MMAA: variants seen among roughly 807,000 people sequenced by gnomAD.
The protein encoded by MMAA is methylmalonic aciduria type A protein, mitochondrial.
In MMAA, 41 loss-of-function variants were observed where a neutral mutation model predicts 45.0. The observed-to-expected ratio is 0.91, with a 90% CI of 0.71 to 1.18. The LOEUF (loss-of-function observed/expected upper bound fraction) is 1.18. MMAA is among the 50% of genes most tolerant of loss of function. The pLI is 0.00. For missense variants in MMAA, 460 were observed against 495.7 expected, an observed-to-expected ratio of 0.93 and a Z score of 0.68; for synonymous variants, 154 against 178.2, an observed-to-expected ratio of 0.86 and a Z score of 1.08.
At chr4:145,636,738 C>T (rs752821782) in intron 1 of MMAA, among the ~76,000 whole-genome samples, 1 of 152,210 alleles carries the variant, frequency 6.6e-6, no homozygotes, top group Non-Finnish European at 1.5e-5. Flanking sequence ...AGAGTGAGCT[C>T]CTGTAATCTT....
At chr4:145,648,476 C>A (rs1201883954) in intron 4 of MMAA, among the ~76,000 whole-genome samples, 1 of 152,070 alleles carries the variant, frequency 6.6e-6, no homozygotes, top group African/African-American at 2.4e-5. Flanking sequence ...ATGAGGGGAA[C>A]ACAGCTCAGT....
Position 145,651,227 on chromosome 4 carries a change from A to G in MMAA, c.819+80A>G, listed in dbSNP as rs545628307. 9 of 1,188,634 alleles carry G rather than the reference A, an allele frequency of 7.6e-6. No homozygotes were observed. In the African/African-American group the frequency reaches 1.2e-4, roughly 16 times the overall value. The allele number at this position is 1,188,634 out of a possible 1,614,324, so 73.6% of individuals were successfully genotyped here. ...AAAATTTCCAATGTTGTGTTTTTGT[A>G]AACTAAGTTGATAATGGTTTAGAAA... On this transcript the variant is annotated intron_variant, in intron 5 of 6. Transcript: ENST00000649156.
Position 145,657,601 on chromosome 4 carries a change from GAATT to G in MMAA, c.*2172_*2175del, listed in dbSNP as rs1728270875. 2 of 152,176 alleles carry G rather than the reference GAATT, an allele frequency of 1.3e-5. No homozygotes were observed. The highest frequency in any genetic ancestry group is 2.4e-5 in the African/African-American group (1 of 41,444). The allele number at this position is 152,176 out of a possible 1,614,324, so 9.4% of individuals were successfully genotyped here. A position where few individuals can be genotyped will look rare whatever the true frequency, so the allele number is the denominator to read the frequency against. On this transcript the variant is annotated 3_prime_UTR_variant, in exon 7 of 7. Coordinates refer to ENST00000649156, the MANE Select transcript of MMAA (RefSeq NM_172250.3). Reference sequence around the variant, plus strand: ...TAATAGCTACTTTACAGGGTTGGAAGAATTAATTTAGAAATTGTACAGTGCTTAG... The same window carrying G: ...TAATAGCTACTTTACAGGGTTGGAAGAATTTAGAAATTGTACAGTGCTTAG...
In MMAA at chr4:145,629,775, G is replaced by T. The variant is rs147641056; in HGVS notation, c.-65-9300G>T. Among the ~76,000 whole-genome samples, 857 of 152,258 alleles carry T rather than the reference G, an allele frequency of 5.6e-3. 6 individuals carry two copies. Among genetic ancestry groups the T allele is most frequent in the Non-Finnish European group, 9.8e-3 (667 of 68,024 alleles). The stretch of plus-strand genomic sequence containing the variant: ...GGCAGGCAGAAAGAGAACTTGTGCA[G>T]GGAGACTCCTGTTTTTAAAACCATC... On this transcript the variant is annotated intron_variant, in intron 1 of 6. Transcript: ENST00000649156.
intron 3 of MMAA, among the ~76,000 whole-genome samples, chr4:145,644,038 T>G (rs973942374): frequency 3.3e-4 from 50 of 152,350 alleles, no homozygotes; most frequent in African/African-American, 1.2e-3. Flanking sequence ...TGCATACACT[T>G]GAAAAACAGC....
intron 1 of MMAA, among the ~76,000 whole-genome samples, chr4:145,630,477 C>G (rs1056013267): frequency 1.3e-5 from 2 of 152,040 alleles, no homozygotes; most frequent in Admixed American, 6.6e-5. Flanking sequence ...ACCTGTAATC[C>G]CAGCACTTTG....
At chr4:145,654,634 T>C (rs758091069) in intron 6 of MMAA, among the ~76,000 whole-genome samples, 2 of 152,220 alleles carry the variant, frequency 1.3e-5, no homozygotes, top group Non-Finnish European at 2.9e-5. Flanking sequence ...TGATGACTTA[T>C]CTTACTGTCA....
intron 1 of MMAA, among the ~76,000 whole-genome samples, chr4:145,630,785 G>A (rs553180282): frequency 1.3e-5 from 2 of 152,138 alleles, no homozygotes; most frequent in South Asian, 2.1e-4. Flanking sequence ...ATGTAGGCAC[G>A]TATAGCTATA....
intron 5 of MMAA, among the ~76,000 whole-genome samples, chr4:145,651,494 G>C (rs1282293219): frequency 6.6e-6 from 1 of 152,158 alleles, no homozygotes; most frequent in Non-Finnish European, 1.5e-5. Context: ...CACTATCATA[G>C]TTTATATGTT....
chr4:145,627,385 A>G (rs567855751), intron 1 of MMAA, among the ~76,000 whole-genome samples: 1 of 152,298 alleles, frequency 6.6e-6, no homozygotes, highest in Admixed American at 6.5e-5. Flanking sequence ...TCAGTCACAC[A>G]GGTTAAGATT....
At chr4:145,621,595 G>C (rs1180879121) in intron 1 of MMAA, among the ~76,000 whole-genome samples, 1 of 152,278 alleles carries the variant, frequency 6.6e-6, no homozygotes, top group South Asian at 2.1e-4. Context: ...CTGTGGTTGG[G>C]GGGGGTGGAA....
intron 4 of MMAA, among the ~76,000 whole-genome samples, chr4:145,648,916 G>T (rs1728015486): frequency 2.0e-5 from 3 of 152,088 alleles, no homozygotes; most frequent in Admixed American, 2.0e-4. Context: ...AGCCTGGGGA[G>T]TCTGAGGCTG....
intron 1 of MMAA, among the ~76,000 whole-genome samples, chr4:145,622,525 A>C (rs17020432): frequency 0.22 from 33,677 of 152,090 alleles, 3,922 homozygotes; most frequent in Middle Eastern, 0.3. Context: ...CTTAGCTTAC[A>C]AATTGTAGGA....
At chr4:145,642,230 T>C (rs2126619768) in intron 2 of MMAA, 133 bp from the exon 3 acceptor site, 1 of 1,010,396 alleles carries the variant, frequency 9.9e-7, no homozygotes, top group African/African-American at 1.6e-5. Context: ...TTTTAGGACA[T>C]GTTGAAATAT....
At chr4:145,625,009 C>G in intron 1 of MMAA, 1 of 936,436 alleles carries the variant, frequency 1.1e-6, no homozygotes, top group Non-Finnish European at 1.7e-6. Context: ...GCCAATCATT[C>G]ATATTATAGG....
At chr4:145,629,300 T>C (rs1005464370) in intron 1 of MMAA, among the ~76,000 whole-genome samples, 1 of 152,118 alleles carries the variant, frequency 6.6e-6, no homozygotes, top group Non-Finnish European at 1.5e-5. Flanking sequence ...CTGGCTAATT[T>C]TTTGTATTTT....
At chr4:145,624,997 A>G in intron 1 of MMAA, 1 of 980,942 alleles carries the variant, frequency 1.0e-6, no homozygotes, top group Non-Finnish European at 1.6e-6. Flanking sequence ...CAGTCTTGAC[A>G]AGCCAATCAT....
At chr4:145,634,391 T>C (rs1322794031) in intron 1 of MMAA, among the ~76,000 whole-genome samples, 1 of 152,004 alleles carries the variant, frequency 6.6e-6, no homozygotes, top group Non-Finnish European at 1.5e-5. Context: ...GATGCTCCCT[T>C]AAGATCCAGG....
At chr4:145,628,086 C>T (rs1734241698) in intron 1 of MMAA, among the ~76,000 whole-genome samples, 1 of 152,126 alleles carries the variant, frequency 6.6e-6, no homozygotes, top group African/African-American at 2.4e-5. Context: ...TCAAATTTGA[C>T]TCTGATGTTA....
Sources: gnomAD v4.1 joint callset for allele counts (sites outside exome capture counted in the v4.1 genomes callset) on GRCh38, gnomAD v4.1.1 for gene constraint, MANE v1.5 for transcripts, NCBI Gene and HGNC (gene_info 2026-07-23, HGNC 2026-07-21) for gene names.